Variants in ZNF827 observed in about 807,000 individuals in gnomAD.
ZNF827 encodes zinc finger protein 827.
Under a neutral mutation model 102.4 loss-of-function variants are expected in ZNF827, and 13 were observed. That is an observed-to-expected ratio of 0.13 (90% CI 0.08 to 0.20). The LOEUF (loss-of-function observed/expected upper bound fraction) is 0.20. Ranked by LOEUF, ZNF827 falls within the 10% of genes least tolerant of loss-of-function variation. The probability of loss-of-function intolerance (pLI) is 1.00; values close to 1 mark genes in which losing one functional copy is unlikely to be tolerated. For missense variants in ZNF827, 1,103 were observed against 1,344.4 expected, an observed-to-expected ratio of 0.82 and a Z score of 2.81; for synonymous variants, 523 against 536.2, an observed-to-expected ratio of 0.98 and a Z score of 0.34.
At position 145,870,335 on chromosome 4, in the gene ZNF827, C is replaced by G. The variant is rs141694025; in HGVS notation, c.1891G>C (p.Asp631His). 7.8e-5 allele frequency: 126 copies of G among 1,614,018 alleles called. No homozygotes were observed. Among genetic ancestry groups the G allele is most frequent in the Non-Finnish European group, 1.9e-5 (22 of 1,180,030 alleles). Residue 631 changes from aspartate to histidine, a missense_variant, in exon 5 of 15, where the codon GAC becomes CAC. Physicochemically the swap from Asp to His is moderately conservative, Grantham distance 81 (BLOSUM62 -1). Transcript: ENST00000508784. ...SEVSAPGVSE[D>H]ALKPQEGKGS... ...TTCCCTTCCTGGGGCTTTAGTGCGTCCTCAGAGACGCCTGGGGCTGACACT... is the reference window on the plus strand; with the variant it reads ...TTCCCTTCCTGGGGCTTTAGTGCGTGCTCAGAGACGCCTGGGGCTGACACT...
chr4:145,849,635 A>G, intron 5 of ZNF827, 74 bp from the exon 6 acceptor site: 2 of 1,590,842 alleles, frequency 1.3e-6, no homozygotes, highest in Non-Finnish European at 1.7e-6. Context: ...GTTTCTAATC[A>G]CAGAGAAAAC....
chr4:145,917,938 C>T (rs998780283), intron 1 of ZNF827, among the ~76,000 whole-genome samples: 2 of 152,070 alleles, frequency 1.3e-5, no homozygotes, highest in Non-Finnish European at 2.9e-5. Flanking sequence ...CATTAACCAG[C>T]TTATCCTCCA....
At chr4:145,877,306 T>C (rs1209931311) in intron 4 of ZNF827, among the ~76,000 whole-genome samples, 1 of 152,208 alleles carries the variant, frequency 6.6e-6, no homozygotes, top group African/African-American at 2.4e-5. Flanking sequence ...TATGTATGTA[T>C]GAACAGGTTG....
Position 145,765,244 on chromosome 4 carries a change from C to A in ZNF827, c.3053-79G>T. On this transcript the variant is annotated intron_variant, in intron 12 of 14. Transcript: ENST00000508784. The surrounding 1 kb of genome is among the most constrained non-coding windows in gnomAD (Gnocchi z 4.7). Reference sequence around the variant, plus strand: ...GCAGGAGTGGAGCCAAGCTCCTCCCCACTTCCTCCCGCCTCCTCCGACGCC... The same window carrying A: ...GCAGGAGTGGAGCCAAGCTCCTCCCAACTTCCTCCCGCCTCCTCCGACGCC... The A allele has an allele frequency of 6.9e-7, 1 of 1,441,326 alleles. No individual in the cohort carries two copies. Among genetic ancestry groups the A allele is most frequent in the Non-Finnish European group, 9.3e-7 (1 of 1,080,184 alleles). The allele number at this position is 1,441,326 out of a possible 1,614,324, so 89.3% of individuals were successfully genotyped here. A position where few individuals can be genotyped will look rare whatever the true frequency, so the allele number is the denominator to read the frequency against.
chr4:145,779,123 A>C (rs1007885433), intron 9 of ZNF827, among the ~76,000 whole-genome samples: 1 of 152,146 alleles, frequency 6.6e-6, no homozygotes, highest in Admixed American at 6.5e-5. Flanking sequence ...GAGTTTAGGA[A>C]TTTTACCTGA....
At chr4:145,838,677 T>C (rs990895664) in intron 7 of ZNF827, among the ~76,000 whole-genome samples, 8 of 152,242 alleles carry the variant, frequency 5.3e-5, no homozygotes, top group Admixed American at 4.6e-4. Context: ...ATCTTATATA[T>C]TGTTAGGTGA....
At chr4:145,842,841 G>A (rs1477357923) in intron 7 of ZNF827, among the ~76,000 whole-genome samples, 2 of 152,164 alleles carry the variant, frequency 1.3e-5, no homozygotes, top group Non-Finnish European at 2.9e-5. Flanking sequence ...CCGTCCTTCT[G>A]AATGATCAGT....
chr4:145,881,726 C>G (rs924433388), intron 4 of ZNF827, among the ~76,000 whole-genome samples: 5 of 152,164 alleles, frequency 3.3e-5, no homozygotes, highest in African/African-American at 9.7e-5. Flanking sequence ...ATGAACACAA[C>G]TCACCCAGGC....
intron 8 of ZNF827, among the ~76,000 whole-genome samples, chr4:145,811,023 A>C (rs1741957046): frequency 6.9e-6 from 1 of 144,090 alleles, no homozygotes; most frequent in Non-Finnish European, 1.5e-5. Flanking sequence ...TCAGGGTTTC[A>C]CTCTGTTGCC....
intron 1 of ZNF827, among the ~76,000 whole-genome samples, chr4:145,935,582 AG>A (rs1754101838): frequency 6.6e-6 from 1 of 152,242 alleles, no homozygotes. Flanking sequence ...TCAAAACTGC[AG>A]GGACTTTTAC....
Position 145,761,688 on chromosome 4 carries a change from C to T in ZNF827, c.*18-90G>A. On this transcript the variant is annotated intron_variant, in intron 14 of 14. Coordinates refer to ENST00000508784, the MANE Select transcript of ZNF827 (RefSeq NM_001306215.2). The surrounding 1 kb of genome is among the most constrained non-coding windows in gnomAD (Gnocchi z 6.8). ...CCGCCTCACCAGCCTTCCCTCACAC[C>T]ACCCCCCAGTGTCTGAGGCCTGGCC... The T allele has an allele frequency of 1.2e-6, 1 of 812,654 alleles. No homozygotes were observed. The highest frequency in any genetic ancestry group is 6.5e-5 in the East Asian group (1 of 15,374). The allele number at this position is 812,654 out of a possible 1,614,324, so 50.3% of individuals were successfully genotyped here.
At chr4:145,807,119 T>A (rs1356838707) in intron 8 of ZNF827, among the ~76,000 whole-genome samples, 1 of 152,160 alleles carries the variant, frequency 6.6e-6, no homozygotes, top group Non-Finnish European at 1.5e-5. Context: ...CTGAAATGAC[T>A]CTGCCAAAAT....
intron 1 of ZNF827, among the ~76,000 whole-genome samples, chr4:145,917,934 C>T (rs1177390582): frequency 6.6e-6 from 1 of 152,034 alleles, no homozygotes; most frequent in Non-Finnish European, 1.5e-5. Flanking sequence ...ATTTCATTAA[C>T]CAGCTTATCC....
chr4:145,886,253 G>C (rs552684001), intron 3 of ZNF827, 95 bp from the exon 4 acceptor site: 5 of 1,467,258 alleles, frequency 3.4e-6, no homozygotes, highest in Non-Finnish European at 4.5e-6. Context: ...TTTCCTCACC[G>C]TGCAAAGGGC....
At chr4:145,812,235 C>CT (rs1332850408) in intron 8 of ZNF827, among the ~76,000 whole-genome samples, 1 of 152,104 alleles carries the variant, frequency 6.6e-6, no homozygotes, top group Non-Finnish European at 1.5e-5. Flanking sequence ...CAACTCCAAG[C>CT]TTTTTAATAT....
chr4:145,821,907 C>T (rs1040516633), intron 8 of ZNF827, among the ~76,000 whole-genome samples: 2 of 152,172 alleles, frequency 1.3e-5, no homozygotes, highest in Admixed American at 1.3e-4. Context: ...ATAAAGCCAG[C>T]AGTGCAAGGT....
At chr4:145,790,451 C>T (rs535531284) in intron 8 of ZNF827, among the ~76,000 whole-genome samples, 16 of 152,244 alleles carry the variant, frequency 1.1e-4, no homozygotes, top group African/African-American at 3.6e-4. Context: ...TTCTAAAATA[C>T]TAAAATTTTA....
At chr4:145,776,452 C>G (rs1041198391) in intron 9 of ZNF827, among the ~76,000 whole-genome samples, 2 of 146,300 alleles carry the variant, frequency 1.4e-5, no homozygotes, top group African/African-American at 5.2e-5. Context: ...CGGAGATAAA[C>G]CTTGTTTCAA....
intron 8 of ZNF827, among the ~76,000 whole-genome samples, chr4:145,807,415 C>T (rs1008298814): frequency 2.0e-5 from 3 of 150,846 alleles, no homozygotes; most frequent in South Asian, 2.1e-4. Flanking sequence ...AAACTAAAAC[C>T]CTCAATCAGA....
Sources: gnomAD v4.1 joint callset for allele counts (sites outside exome capture counted in the v4.1 genomes callset) on GRCh38, gnomAD v4.1.1 for gene constraint, Gnocchi (gnomAD v3.1) non-coding constraint, MANE v1.5 for transcripts, NCBI Gene and HGNC (gene_info 2026-07-23, HGNC 2026-07-21) for gene names.